Variants in CFH observed in about 807,000 individuals in gnomAD.
CFH encodes the protein H factor 1 (complement).
CFH carries 53 observed loss-of-function variants against 147.3 expected under a neutral mutation model. The ratio of observed to expected loss-of-function variants is 0.36; its 90% CI spans 0.29 to 0.45. The LOEUF (loss-of-function observed/expected upper bound fraction) is 0.45, where lower values mean the gene tolerates loss of function less well. Ranked by LOEUF, CFH falls within the 20% of genes least tolerant of loss-of-function variation. The probability of loss-of-function intolerance (pLI) is 1.00; values close to 1 mark genes in which losing one functional copy is unlikely to be tolerated. For missense variants in CFH, 1,380 were observed against 1,498.0 expected (o/e 0.92, Z 1.30); for synonymous variants, 536 against 489.4 (o/e 1.10, Z -1.26).
chr1:196,662,820 G>T (rs73071798), intron 1 of CFH, among the ~76,000 whole-genome samples: 6,373 of 152,016 alleles, frequency 0.042, 446 homozygotes, highest in African/African-American at 0.14. Context: ...GGTCAGGGTC[G>T]CAGCGAGCTA....
chr1:196,742,809 A>T (rs1652856261), intron 19 of CFH, among the ~76,000 whole-genome samples: 2 of 152,160 alleles, frequency 1.3e-5, no homozygotes, highest in South Asian at 4.1e-4. Flanking sequence ...TGAATTTTGC[A>T]TTGTTCAGCA....
intron 4 of CFH, 153 bp from the exon 5 acceptor site, chr1:196,677,323 A>T (rs1573013484): frequency 1.5e-6 from 1 of 659,006 alleles, no homozygotes; most frequent in East Asian, 2.8e-5. Flanking sequence ...CTTAGAGGAA[A>T]GTATCTCTAG....
At position 196,728,356 on chromosome 1, in the gene CFH, A is replaced by G. The variant is rs373044714; in HGVS notation, c.2247A>G (p.Lys749=). ...ATATTTATTTTATAGCAATAGATAAACTTAAGAAGTGCAAATCATCAAATT... is the reference window on the plus strand; with the variant it reads ...ATATTTATTTTATAGCAATAGATAAGCTTAAGAAGTGCAAATCATCAAATT... ...TQLPQCVAID[K]LKKCKSSNLI... Residue 749 remains lysine (K), a synonymous_variant, in exon 15 of 22, where the codon AAA becomes AAG. Coordinates refer to ENST00000367429, the MANE Select transcript of CFH (RefSeq NM_000186.4). The G allele has an allele frequency of 7.7e-5, 116 of 1,504,212 alleles. No individual in the cohort carries two copies. The African/African-American group carries it at 1.1e-3, about 14-fold the overall frequency. The allele number at this position is 1,504,212 out of a possible 1,614,324, so 93.2% of individuals were successfully genotyped here.
At chr1:196,689,999 A>G (rs2149088574) in intron 8 of CFH, 64 bp from the exon 9 acceptor site, 2 of 1,452,932 alleles carry the variant, frequency 1.4e-6, no homozygotes, top group African/African-American at 1.4e-5. Context: ...ATTGTAATAT[A>G]CTATTTTGAG....
chr1:196,654,801 T>G (rs1425944322), intron 1 of CFH, among the ~76,000 whole-genome samples: 1 of 152,170 alleles, frequency 6.6e-6, no homozygotes, highest in Non-Finnish European at 1.5e-5. Flanking sequence ...GAAGACTTTA[T>G]AGATCAGAGA....
chr1:196,677,572 G>C lies in CFH; in HGVS notation c.524G>C (p.Arg175Pro), dbSNP rs139360826. 8 of 1,613,118 alleles carry C rather than the reference G, an allele frequency of 5.0e-6. No homozygotes were observed. Among genetic ancestry groups the C allele is most frequent in the African/African-American group, 1.3e-5 (1 of 74,836 alleles). Residue 175 changes from arginine (R) to proline (P), a missense_variant, in exon 5 of 22, where the codon CGG becomes CCG. This residue lies in a region of CFH where 260 missense variants were observed against 263.3 expected (regional missense o/e 0.99). Coordinates refer to ENST00000367429, the MANE Select transcript of CFH (RefSeq NM_000186.4). ...GAATACCATTTTGGACAAGCAGTAC[G>C]GTTTGTATGTAACTCAGGCTACAAG... ...DREYHFGQAV[R>P]FVCNSGYKIE... is the part of the protein sequence containing the mutation.
chr1:196,746,019 C>T lies in CFH; in HGVS notation c.3493+20C>T. 1 of 1,613,986 alleles carries T rather than the reference C, an allele frequency of 6.2e-7. No individual in the cohort carries two copies. The highest frequency in any genetic ancestry group is 8.5e-7 in the Non-Finnish European group (1 of 1,179,932). On this transcript the variant is annotated intron_variant, in intron 21 of 21. Transcript: ENST00000367429. ...GCTTACGTAAGTACTTTAATATTCA[C>T]GTGGCTGGAAAAATCTCTGTGATGA...
At chr1:196,704,800 T>G (rs1668546889) in intron 9 of CFH, among the ~76,000 whole-genome samples, 1 of 152,196 alleles carries the variant, frequency 6.6e-6, no homozygotes, top group Non-Finnish European at 1.5e-5. Context: ...AACTGAGGAT[T>G]ATTGGTTTGT....
chr1:196,711,816 C>T (rs992902337), intron 9 of CFH, among the ~76,000 whole-genome samples: 4 of 152,060 alleles, frequency 2.6e-5, no homozygotes, highest in African/African-American at 7.2e-5. Context: ...TAGTGTTCTT[C>T]ATCTGATAGG....
intron 20 of CFH, 89 bp from the exon 21 acceptor site, chr1:196,745,728 A>G: frequency 5.2e-6 from 8 of 1,548,940 alleles, no homozygotes; most frequent in Non-Finnish European, 7.1e-6. Flanking sequence ...TTGATATTAT[A>G]TACAGTGCTG....
At chr1:196,743,227 C>G (rs1266521057) in intron 19 of CFH, among the ~76,000 whole-genome samples, 1 of 152,080 alleles carries the variant, frequency 6.6e-6, no homozygotes, top group African/African-American at 2.4e-5. Flanking sequence ...AGTGTTCTAG[C>G]GAAGGATGAA....
At chr1:196,681,133 T>G (rs1419125658) in intron 6 of CFH, among the ~76,000 whole-genome samples, 2 of 151,826 alleles carry the variant, frequency 1.3e-5, no homozygotes, top group Non-Finnish European at 2.9e-5. Context: ...TATAGTGAAT[T>G]TATCCATGCA....
In CFH at chr1:196,671,585, A is replaced by AACAC. The variant is rs1364352039; in HGVS notation, c.59-1392_59-1391insCACA. Among the ~76,000 whole-genome samples the AACAC allele has an allele frequency of 3.1e-5, 3 of 95,820 alleles. No individual in the cohort carries two copies. In the East Asian group the frequency reaches 1.0e-3, roughly 33 times the overall value. 62.9% of individuals were successfully genotyped at this position (95,820 alleles called of 152,430 possible). ...TTGGTTTCTTCTATCTCAAAAGACT[A>AACAC]ATACACACACACACACACACACACA... On this transcript the variant is annotated intron_variant, in intron 1 of 21. Transcript: ENST00000367429.
At chr1:196,741,630 C>A in intron 18 of CFH, 2 of 475,986 alleles carry the variant, frequency 4.2e-6, no homozygotes, top group South Asian at 2.3e-5. Context: ...TGTGTAATCT[C>A]AATTGCTACG....
chr1:196,744,202 C>A (rs1652922127), intron 20 of CFH, among the ~76,000 whole-genome samples: 1 of 151,424 alleles, frequency 6.6e-6, no homozygotes, highest in Admixed American at 6.6e-5. Flanking sequence ...TTTACTTAGA[C>A]TCTACCTATG....
At chr1:196,733,202 T>C (rs1669320546) in intron 15 of CFH, among the ~76,000 whole-genome samples, 1 of 152,060 alleles carries the variant, frequency 6.6e-6, no homozygotes, top group African/African-American at 2.4e-5. Context: ...GATTATTTTT[T>C]GTTTGCGTCA....
At chr1:196,658,223 T>TA (rs34163718) in intron 1 of CFH, among the ~76,000 whole-genome samples, 12 of 150,566 alleles carry the variant, frequency 8.0e-5, no homozygotes, top group South Asian at 6.3e-4. Context: ...ATTCATGGGC[T>TA]AAAAAAAAAC....
At chr1:196,659,241 G>T (rs1666826023) in intron 1 of CFH, among the ~76,000 whole-genome samples, 1 of 152,166 alleles carries the variant, frequency 6.6e-6, no homozygotes, top group South Asian at 2.1e-4. Flanking sequence ...ACATTCGATT[G>T]TTAGTCAATT....
intron 15 of CFH, among the ~76,000 whole-genome samples, chr1:196,734,031 G>A (rs1669342129): frequency 6.6e-6 from 1 of 152,098 alleles, no homozygotes; most frequent in Non-Finnish European, 1.5e-5. Flanking sequence ...AGACTCTCAT[G>A]TGTTTAATCT....
Sources: gnomAD v4.1 joint callset for allele counts (sites outside exome capture counted in the v4.1 genomes callset) on GRCh38, gnomAD v4.1.1 for gene constraint, gnomAD v4.1.1 regional missense constraint, MANE v1.5 for transcripts, NCBI Gene and HGNC (gene_info 2026-07-23, HGNC 2026-07-21) for gene names.